CEP72: variants seen among roughly 807,000 people sequenced by gnomAD.
CEP72 encodes the protein centrosomal protein 72.
A neutral mutation model predicts 65.7 loss-of-function variants in CEP72; 78 were observed. The observed-to-expected ratio is 1.19, with a 90% CI of 0.99 to 1.43. The LOEUF (loss-of-function observed/expected upper bound fraction) is 1.43. Ranked by LOEUF, CEP72 falls within the 40% of genes most tolerant of loss-of-function variation. The pLI, the probability that CEP72 is intolerant of heterozygous loss-of-function variation, is 0.00. For missense variants in CEP72, 914 were observed against 832.9 expected (o/e 1.10, Z -1.20); for synonymous variants, 358 against 351.7 (o/e 1.02, Z -0.20).
At chr5:666,240 A>C in intron 4 of CEP72, 1 of 1,216,878 alleles carries the variant, frequency 8.2e-7, no homozygotes, top group Non-Finnish European at 1.1e-6. Context: ...GGCTTCACCC[A>C]CAGGCGGCCG....
downstream of CEP72, among the ~76,000 whole-genome samples, chr5:656,159 C>T (rs1267235176): frequency 2.0e-5 from 3 of 152,200 alleles, no homozygotes; most frequent in Non-Finnish European, 4.4e-5. Flanking sequence ...CCAGTCCCGG[C>T]TGCTGAAGAT....
chr5:640,768 G>A (rs559632400), intron 9 of CEP72, 164 bp downstream of exon 9: 7 of 985,308 alleles, frequency 7.1e-6, no homozygotes, highest in South Asian at 4.7e-5. Flanking sequence ...CCCGGAACGC[G>A]GCCTGCCCTG....
chr5:675,352 GTGGGGGTGTGCAGTGTGGC>G, the CEP72 span, among the ~76,000 whole-genome samples: 34 of 98,552 alleles, frequency 3.4e-4, no homozygotes, highest in Non-Finnish European at 5.6e-4. Flanking sequence ...GGGGTGCAGT[GTGGGGGTGTGCAGTGTGGC>G]CGGGGGTGCA....
intron 3 of CEP72, among the ~76,000 whole-genome samples, chr5:621,495 G>A (rs951631497): frequency 5.3e-5 from 8 of 152,214 alleles, no homozygotes; most frequent in East Asian, 1.9e-4. Flanking sequence ...TGTGGGCGTC[G>A]GGACTGAGGG....
intron 2 of CEP72, among the ~76,000 whole-genome samples, 199 bp from the exon 3 acceptor site, chr5:619,870 A>G (rs1736268752): frequency 6.6e-6 from 1 of 152,236 alleles, no homozygotes; most frequent in African/African-American, 2.4e-5. Flanking sequence ...TGTGGGTTCC[A>G]TAAACGACCG....
At position 623,839 on chromosome 5, in the gene CEP72, C is replaced by G. The variant is rs1022270347; in HGVS notation, c.404-632C>G. 9.2e-5 allele frequency among the ~76,000 whole-genome samples: 14 copies of G among 152,274 alleles called. No homozygotes were observed. The highest frequency in any genetic ancestry group is 1.9e-4 in the East Asian group (1 of 5,182). ...TATGCTATTACTCACTCATTTCTTA[C>G]AGTGATTCTGTAGTTTTTGGGGCGT... is the stretch of plus-strand genomic sequence containing the variant. On this transcript the variant is annotated intron_variant, in intron 3 of 11. Coordinates refer to ENST00000264935, the MANE Select transcript of CEP72 (RefSeq NM_018140.4). This position sits in a 1 kb window ranked among gnomAD's most constrained non-coding sequence, Gnocchi z 5.3.
chr5:619,106 G>A lies in CEP72; in HGVS notation c.199G>A (p.Val67Ile). The A allele has an allele frequency of 1.2e-6, 2 of 1,613,032 alleles. No homozygotes were observed. Among genetic ancestry groups the A allele is most frequent in the Non-Finnish European group, 1.7e-6 (2 of 1,179,188 alleles). The change falls in exon 2 of 12, where the codon GTT (valine) becomes ATT (isoleucine). Residue 67 changes from valine to isoleucine, a missense_variant. Physicochemically the swap from Val to Ile is conservative, Grantham distance 29. Coordinates refer to ENST00000264935, the MANE Select transcript of CEP72 (RefSeq NM_018140.4). Reference sequence around the variant, plus strand: ...TTTGGATCTCTCGCGCAACTCCTTGGTTAGTCTGGAGGTAAGTTTTAGGTC... The same window carrying A: ...TTTGGATCTCTCGCGCAACTCCTTGATTAGTCTGGAGGTAAGTTTTAGGTC... ...KSLDLSRNSL[V>I]SLEGIQYLTA...
downstream of CEP72, chr5:656,936 A>G (rs549212206): frequency 2.1e-4 from 32 of 152,244 alleles, no homozygotes; most frequent in African/African-American, 7.2e-4. Context: ...AGCTTCTTCT[A>G]TCAATAATTC....
At chr5:635,094 CT>C (rs1737496982) in intron 5 of CEP72, among the ~76,000 whole-genome samples, 1 of 152,138 alleles carries the variant, frequency 6.6e-6, no homozygotes, top group Non-Finnish European at 1.5e-5. Context: ...ACTCTCTCTT[CT>C]GTTTTGTGCA....
chr5:666,638 GC>G (rs1474137219), intron 4 of CEP72, among the ~76,000 whole-genome samples: 1 of 151,426 alleles, frequency 6.6e-6, no homozygotes, highest in Non-Finnish European at 1.5e-5. Context: ...CCGCCAGGCG[GC>G]CCCGCTGTGC....
At chr5:656,191 G>C (rs1007123512), downstream of CEP72, among the ~76,000 whole-genome samples, 5 of 152,164 alleles carry the variant, frequency 3.3e-5, no homozygotes, top group Non-Finnish European at 7.3e-5. Flanking sequence ...GATGATCTCT[G>C]TGTCCGTTTC....
At chr5:638,004 G>A (rs1295580023) in intron 7 of CEP72, among the ~76,000 whole-genome samples, 186 bp downstream of exon 7, 1 of 152,132 alleles carries the variant, frequency 6.6e-6, no homozygotes, top group Non-Finnish European at 1.5e-5. Flanking sequence ...ATGCGGGGCT[G>A]TTACGGCTTT....
intron 11 of CEP72, among the ~76,000 whole-genome samples, chr5:649,274 G>T (rs1738731743): frequency 8.7e-6 from 1 of 114,536 alleles, no homozygotes. Flanking sequence ...GTGACTGTGA[G>T]GTGTGACTGT....
At chr5:672,732 C>T in the CEP72 span, among the ~76,000 whole-genome samples, 4 of 152,254 alleles carry the variant, frequency 2.6e-5, no homozygotes, top group African/African-American at 9.6e-5. Context: ...ACTCCCACCG[C>T]CCGTGGTCCG....
chr5:640,799 A>G, intron 9 of CEP72, 195 bp downstream of exon 9: 5 of 985,398 alleles, frequency 5.1e-6, no homozygotes, highest in Non-Finnish European at 6.0e-6. Context: ...GGCCTGGAGC[A>G]CTTTGGAGAC....
intron 6 of CEP72, 122 bp downstream of exon 6, chr5:635,706 C>T (rs143120435): frequency 5.9e-5 from 46 of 776,136 alleles, no homozygotes; most frequent in Non-Finnish European, 7.8e-5. Context: ...TCCAAGAGCA[C>T]GGTGCCGGCA....
chr5:651,492 C>T (rs1380193096), intron 11 of CEP72, among the ~76,000 whole-genome samples: 1 of 151,978 alleles, frequency 6.6e-6, no homozygotes. Context: ...CCTGGTTCCC[C>T]TGGGCGGTAG....
the CEP72 span, among the ~76,000 whole-genome samples, chr5:673,512 G>GGACTGGGAC: frequency 1.3e-5 from 2 of 152,130 alleles, no homozygotes; most frequent in Non-Finnish European, 2.9e-5. Context: ...CGGAGTCCCA[G>GGACTGGGAC]TCCTGGCCAC....
downstream of CEP72, among the ~76,000 whole-genome samples, chr5:653,880 A>G (rs1362111691): frequency 6.6e-6 from 1 of 152,250 alleles, no homozygotes; most frequent in African/African-American, 2.4e-5. Context: ...TGGTAAGACA[A>G]GGTCATTTTT....
Sources: gnomAD v4.1 joint callset for allele counts (sites outside exome capture counted in the v4.1 genomes callset) on GRCh38, gnomAD v4.1.1 for gene constraint, Gnocchi (gnomAD v3.1) non-coding constraint, MANE v1.5 for transcripts, NCBI Gene and HGNC (gene_info 2026-07-23, HGNC 2026-07-21) for gene names.